The following PLXNC1 variants were observed in gnomAD, a reference collection of about 807,000 sequenced individuals.
PLXNC1 encodes plexin-C1.
Under a neutral mutation model 178.2 loss-of-function variants are expected in PLXNC1, and 75 were observed. The ratio of observed to expected loss-of-function variants is 0.42; its 90% confidence interval spans 0.35 to 0.51. The LOEUF (loss-of-function observed/expected upper bound fraction) is 0.51, where lower values mean the gene tolerates loss of function less well. Among genes scored for constraint, PLXNC1 ranks in the 20% least tolerant of loss-of-function variants. The pLI, the probability that PLXNC1 is intolerant of heterozygous loss-of-function variation, is 0.02. For synonymous variants in PLXNC1, 790 were observed against 779.9 expected, an observed-to-expected ratio of 1.01 and a Z score of -0.22; for missense variants, 1,503 against 1,984.4, an observed-to-expected ratio of 0.76 and a Z score of 4.61.
At chr12:94,181,324 G>A in intron 2 of PLXNC1, 122 bp from the exon 3 acceptor site, 1 of 599,030 alleles carries the variant, frequency 1.7e-6, no homozygotes, top group East Asian at 3.3e-5. Context: ...GGAGGCGGAG[G>A]TTGCAGTGAG....
At chr12:94,241,849 C>T (rs1056203659) in intron 11 of PLXNC1, among the ~76,000 whole-genome samples, 19 of 152,144 alleles carry the variant, frequency 1.2e-4, no homozygotes, top group African/African-American at 4.6e-4. Context: ...TTTAAATTCA[C>T]TTTCATAATA....
Position 94,244,000 on chromosome 12 carries a change from C to T in PLXNC1, c.2363C>T (p.Ser788Leu), listed in dbSNP as rs1350479909. Residue 788 changes from serine (S) to leucine (L), a missense_variant, in exon 12 of 31, where the codon TCA becomes TTA. By Grantham distance (145) the Ser-to-Leu change is moderately radical. Coordinates refer to ENST00000258526, the MANE Select transcript of PLXNC1 (RefSeq NM_005761.3). ...GATGTAATTGACAACTTAATCATTTCACATGAATTAAAAGGAAACATAAAT... is the reference window on the plus strand; with the variant it reads ...GATGTAATTGACAACTTAATCATTTTACATGAATTAAAAGGAAACATAAAT... ...NFDVIDNLII[S>L]HELKGNINVS... 6.3e-7 allele frequency: 1 copy of T among 1,591,100 alleles called. No homozygotes were observed. Among genetic ancestry groups the T allele is most frequent in the Non-Finnish European group, 8.6e-7 (1 of 1,161,124 alleles).
chr12:94,273,493 C>T (rs1196506611), intron 21 of PLXNC1, among the ~76,000 whole-genome samples: 1 of 152,268 alleles, frequency 6.6e-6, no homozygotes, highest in East Asian at 1.9e-4. Flanking sequence ...CGACCCAATT[C>T]AAATGCTGCC....
At chr12:94,156,334 T>C (rs936456422) in intron 1 of PLXNC1, among the ~76,000 whole-genome samples, 2 of 152,158 alleles carry the variant, frequency 1.3e-5, no homozygotes, top group Non-Finnish European at 2.9e-5. Flanking sequence ...TGATGGATGC[T>C]CCTTCCTTAG....
At chr12:94,162,800 A>G (rs536491855) in intron 1 of PLXNC1, among the ~76,000 whole-genome samples, 1 of 152,308 alleles carries the variant, frequency 6.6e-6, no homozygotes, top group Non-Finnish European at 1.5e-5. Flanking sequence ...AAAAGTCTAG[A>G]TAACCATTTG....
chr12:94,245,667 G>A (rs960712752), intron 12 of PLXNC1, among the ~76,000 whole-genome samples: 5 of 152,102 alleles, frequency 3.3e-5, no homozygotes, highest in Admixed American at 6.5e-5. Context: ...GATTAAGTAC[G>A]CCTGCAGTAT....
At chr12:94,277,766 C>A in intron 21 of PLXNC1, 1 of 359,726 alleles carries the variant, frequency 2.8e-6, no homozygotes, top group Non-Finnish European at 5.5e-6. Flanking sequence ...AGTAATTGTA[C>A]AGGTTTTATT....
chr12:94,262,472 T>C (rs1965018483), intron 20 of PLXNC1: 1 of 985,328 alleles, frequency 1.0e-6, no homozygotes, highest in Non-Finnish European at 1.2e-6. Flanking sequence ...AAATCTGGGC[T>C]GCGAGCCCAA....
At chr12:94,215,736 G>T (rs1225100532) in intron 5 of PLXNC1, among the ~76,000 whole-genome samples, 1 of 152,062 alleles carries the variant, frequency 6.6e-6, no homozygotes, top group Non-Finnish European at 1.5e-5. Context: ...TTCATAAAAT[G>T]TGTGAGATAA....
intron 4 of PLXNC1, among the ~76,000 whole-genome samples, chr12:94,203,966 T>A (rs1437763262): frequency 6.6e-6 from 1 of 152,218 alleles, no homozygotes; most frequent in Non-Finnish European, 1.5e-5. Context: ...TTTCTCTTGT[T>A]CACATGCGCA....
In PLXNC1 at chr12:94,197,008, A is replaced by G. The variant is rs143149007; in HGVS notation, c.1439+10535A>G. 1.2e-4 allele frequency among the ~76,000 whole-genome samples: 19 copies of G among 152,306 alleles called. No individual in the cohort carries two copies. In the East Asian group the frequency reaches 3.5e-3, roughly 28 times the overall value. ...TCACTGGGCTGAAACCAAAGCATTG[A>G]CAGGGCTGTGCTCCTTCTGGAGGCC... On this transcript the variant is annotated intron_variant, in intron 4 of 30. Coordinates refer to ENST00000258526, the MANE Select transcript of PLXNC1 (RefSeq NM_005761.3).
intron 3 of PLXNC1, among the ~76,000 whole-genome samples, chr12:94,182,274 C>T (rs528269829): frequency 1.2e-4 from 18 of 151,884 alleles, no homozygotes; most frequent in African/African-American, 4.4e-4. Context: ...TGTTACTGAC[C>T]GGGCATAGTG....
chr12:94,149,244 C>G lies in PLXNC1; in HGVS notation c.273C>G (p.Val91=), dbSNP rs1350279194. 6.4e-7 allele frequency: 1 copy of G among 1,556,934 alleles called. No individual in the cohort carries two copies. Among genetic ancestry groups the G allele is most frequent in the African/African-American group, 1.4e-5 (1 of 70,376 alleles). The change falls in exon 1 of 31, where the codon GTC becomes GTG. Residue 91 remains valine, a synonymous_variant. Transcript: ENST00000258526. ...AAGCGGGCAACTGCACAGAGCCGGT[C>G]TCGCTGGCGCCCCCCGCGCGGCCCC... ...RDQAGNCTEP[V]SLAPPARPRP...
chr12:94,160,358 G>T (rs1961335823), intron 1 of PLXNC1, among the ~76,000 whole-genome samples: 1 of 152,084 alleles, frequency 6.6e-6, no homozygotes, highest in African/African-American at 2.4e-5. Flanking sequence ...GTTGACACTG[G>T]GGCTCTGTTT....
At chr12:94,283,296 G>A (rs1966585840) in intron 23 of PLXNC1, among the ~76,000 whole-genome samples, 1 of 152,162 alleles carries the variant, frequency 6.6e-6, no homozygotes, top group Non-Finnish European at 1.5e-5. Context: ...CTGGGCTAGG[G>A]TGCAGGCACA....
At chr12:94,280,968 G>T (rs1464485258) in intron 22 of PLXNC1, among the ~76,000 whole-genome samples, 1 of 152,186 alleles carries the variant, frequency 6.6e-6, no homozygotes, top group Non-Finnish European at 1.5e-5. Context: ...CCAGAAACCA[G>T]CCATCAACTG....
chr12:94,278,586 A>G (rs1160297883), intron 21 of PLXNC1, among the ~76,000 whole-genome samples: 2 of 152,260 alleles, frequency 1.3e-5, no homozygotes, highest in Non-Finnish European at 1.5e-5. Flanking sequence ...TGCAAGAATC[A>G]TAGTATGGGG....
At chr12:94,244,866 A>G (rs1964485377) in intron 12 of PLXNC1, among the ~76,000 whole-genome samples, 1 of 152,246 alleles carries the variant, frequency 6.6e-6, no homozygotes, top group Admixed American at 6.5e-5. Context: ...CATACAAGTC[A>G]GGCCTCCAAG....
intron 5 of PLXNC1, among the ~76,000 whole-genome samples, chr12:94,213,504 G>T (rs1475422018): frequency 6.6e-6 from 1 of 152,032 alleles, no homozygotes; most frequent in Non-Finnish European, 1.5e-5. Flanking sequence ...GGGGTCGTTT[G>T]CTTTTTCTTG....
Sources: gnomAD v4.1 joint callset for allele counts (sites outside exome capture counted in the v4.1 genomes callset) on GRCh38, gnomAD v4.1.1 for gene constraint, MANE v1.5 for transcripts, NCBI Gene and HGNC (gene_info 2026-07-23, HGNC 2026-07-21) for gene names.